The following GABBR2 variants were observed in gnomAD, a reference collection of about 807,000 sequenced individuals.
GABBR2 encodes the protein gamma-aminobutyric acid type B receptor subunit 2, also known as G-protein coupled receptor 51.
GABBR2 carries 23 observed loss-of-function variants against 105.6 expected under a neutral mutation model. That is an observed-to-expected ratio of 0.22 (90% CI 0.16 to 0.31). The LOEUF is 0.31. GABBR2 is among the 10% of genes least tolerant of loss of function. The pLI is 1.00. For missense variants in GABBR2, 734 were observed against 1,245.5 expected (o/e 0.59, Z 6.18); for synonymous variants, 478 against 499.7 (o/e 0.96, Z 0.58).
rs1019394198 is a variant in GABBR2 at position 98,619,070 on chromosome 9, T to C, written c.322-40998A>G. ...ATCTTTATACTGCCTGTAATGAGCA[T>C]ACATATATTAAGTTTAAAATTTTAG... On this transcript the variant is annotated intron_variant, in intron 1 of 18. Transcript: ENST00000259455. Among the ~76,000 whole-genome samples the C allele has an allele frequency of 2.6e-5, 4 of 152,308 alleles. No individual in the cohort carries two copies. In the East Asian group the frequency reaches 7.7e-4, roughly 29 times the overall value.
At chr9:98,395,576 A>G (rs1274011347) in intron 8 of GABBR2, among the ~76,000 whole-genome samples, 1 of 152,068 alleles carries the variant, frequency 6.6e-6, no homozygotes, top group African/African-American at 2.4e-5. Flanking sequence ...GAGACTGGGA[A>G]GGGGTGACCA....
rs1444867918 is a variant in GABBR2 at position 98,288,241 on chromosome 9, G to GA, written c.*2342dup. Reference sequence around the variant, plus strand: ...AGCGTTTTGTGCACTAACATCATTGGAAAATGCCTTCAGGCCGAAGCCTCT... The same window carrying GA: ...AGCGTTTTGTGCACTAACATCATTGGAAAAATGCCTTCAGGCCGAAGCCTCT... On this transcript the variant is annotated 3_prime_UTR_variant, in exon 19 of 19. Coordinates refer to ENST00000259455, the MANE Select transcript of GABBR2 (RefSeq NM_005458.8). 1.3e-5 allele frequency: 2 copies of GA among 152,576 alleles called. No individual in the cohort carries two copies. The highest frequency in any genetic ancestry group is 2.4e-5 in the African/African-American group (1 of 41,420). The allele number at this position is 152,576 out of a possible 1,614,324, so 9.5% of individuals were successfully genotyped here.
intron 15 of GABBR2, among the ~76,000 whole-genome samples, 166 bp from the exon 16 acceptor site, chr9:98,303,589 A>G (rs1167573260): frequency 6.6e-6 from 1 of 152,150 alleles, no homozygotes; most frequent in Admixed American, 6.5e-5. Flanking sequence ...AGACTCTGCT[A>G]CTCGCTTGTG....
chr9:98,466,534 C>G (rs1348662970), intron 6 of GABBR2, among the ~76,000 whole-genome samples: 1 of 152,202 alleles, frequency 6.6e-6, no homozygotes, highest in Non-Finnish European at 1.5e-5. Context: ...CTCACTACTC[C>G]TTCCTCCTAC....
chr9:98,343,481 G>A (rs747400915), intron 13 of GABBR2, among the ~76,000 whole-genome samples: 15 of 152,168 alleles, frequency 9.9e-5, no homozygotes, highest in Non-Finnish European at 2.2e-4. Context: ...GGGAAAAAAT[G>A]AACAACCCTC....
At chr9:98,424,265 T>C (rs2131559663) in intron 7 of GABBR2, among the ~76,000 whole-genome samples, 1 of 152,244 alleles carries the variant, frequency 6.6e-6, no homozygotes, top group Non-Finnish European at 1.5e-5. Context: ...GAAAAGGCCT[T>C]TGACAAAATT....
At chr9:98,335,568 T>TG (rs1159605176) in intron 13 of GABBR2, among the ~76,000 whole-genome samples, 1 of 152,230 alleles carries the variant, frequency 6.6e-6, no homozygotes, top group East Asian at 1.9e-4. Context: ...TCAGATATTT[T>TG]GGGGGGTGTG....
chr9:98,438,429 C>T (rs903500263), intron 7 of GABBR2, among the ~76,000 whole-genome samples: 1 of 152,122 alleles, frequency 6.6e-6, no homozygotes, highest in Non-Finnish European at 1.5e-5. Context: ...AAGTAGGGGA[C>T]AGGGATGATA....
At position 98,538,714 on chromosome 9, in the gene GABBR2, C is replaced by A. The variant is rs1470079217; in HGVS notation, c.630+3159G>T. 1.6e-5 allele frequency: 5 copies of A among 310,982 alleles called. No individual in the cohort carries two copies. In the East Asian group the frequency reaches 5.1e-4, roughly 32 times the overall value. The allele number at this position is 310,982 out of a possible 1,614,324, so 19.3% of individuals were successfully genotyped here. ...TTCAGGATTTCTTTCACTTGACATT[C>A]CTTCCAGTGCACCAGTCCGGAACAG... is the stretch of plus-strand genomic sequence containing the variant. On this transcript the variant is annotated intron_variant, in intron 3 of 18. Transcript: ENST00000259455.
chr9:98,507,165 T>G (rs1206222637), intron 3 of GABBR2, among the ~76,000 whole-genome samples: 1 of 152,198 alleles, frequency 6.6e-6, no homozygotes, highest in Non-Finnish European at 1.5e-5. Context: ...GATAGAGTCA[T>G]GCCCTTCCCC....
chr9:98,642,020 C>T (rs546622483), intron 1 of GABBR2, among the ~76,000 whole-genome samples: 41 of 152,294 alleles, frequency 2.7e-4, no homozygotes, highest in African/African-American at 9.6e-4. Context: ...TCCTCCAGCA[C>T]GGCTACTTCC....
At chr9:98,594,612 G>A (rs1369806397) in intron 1 of GABBR2, among the ~76,000 whole-genome samples, 5 of 152,208 alleles carry the variant, frequency 3.3e-5, no homozygotes, top group Admixed American at 3.3e-4. Context: ...CCGCCTCTGG[G>A]GAAGCCCCTC....
intron 1 of GABBR2, among the ~76,000 whole-genome samples, chr9:98,603,701 A>T (rs927432464): frequency 1.3e-5 from 2 of 152,200 alleles, no homozygotes; most frequent in East Asian, 1.9e-4. Flanking sequence ...CTGCAACTGC[A>T]GCTCAGAAAT....
chr9:98,412,283 G>A (rs1223441030), intron 7 of GABBR2, among the ~76,000 whole-genome samples: 2 of 152,224 alleles, frequency 1.3e-5, no homozygotes, highest in Admixed American at 6.5e-5. Context: ...ATATTCTGGA[G>A]CCCTGGGCCT....
intron 16 of GABBR2, among the ~76,000 whole-genome samples, chr9:98,300,085 A>C (rs892184928): frequency 1.3e-5 from 2 of 150,372 alleles, no homozygotes; most frequent in Non-Finnish European, 3.0e-5. Flanking sequence ...GCTGGTCTTG[A>C]ACTCCTGAGC....
chr9:98,397,546 A>G (rs1832316005), intron 8 of GABBR2, among the ~76,000 whole-genome samples: 1 of 152,204 alleles, frequency 6.6e-6, no homozygotes, highest in Admixed American at 6.5e-5. Context: ...GTAAGTGTCC[A>G]ATAAATTACG....
intron 11 of GABBR2, among the ~76,000 whole-genome samples, chr9:98,376,428 C>A (rs1831874560): frequency 6.6e-6 from 1 of 152,188 alleles, no homozygotes; most frequent in African/African-American, 2.4e-5. Context: ...TGGCTGGACA[C>A]AGGGGCAAGT....
At chr9:98,485,075 C>T (rs531194674) in intron 4 of GABBR2, among the ~76,000 whole-genome samples, 28 of 152,224 alleles carry the variant, frequency 1.8e-4, no homozygotes, top group Middle Eastern at 3.4e-3. Flanking sequence ...GGACTGGAAA[C>T]GTGGCAGAGG....
intron 13 of GABBR2, among the ~76,000 whole-genome samples, chr9:98,344,132 G>A (rs565562218): frequency 6.6e-6 from 1 of 152,080 alleles, no homozygotes; most frequent in South Asian, 2.1e-4. Context: ...TCCAGGGTGA[G>A]TCCTTGGTCC....
Sources: allele counts gnomAD v4.1 joint callset (sites outside exome capture counted in the v4.1 genomes callset), GRCh38; gene constraint gnomAD v4.1.1; transcripts MANE v1.5; gene names NCBI Gene and HGNC (gene_info 2026-07-23, HGNC 2026-07-21).